Variants in CTDP1 observed in about 807,000 individuals in gnomAD.
CTDP1 encodes RNA polymerase II subunit A C-terminal domain phosphatase.
CTDP1 carries 47 observed loss-of-function variants against 91.8 expected under a neutral mutation model. That is an observed-to-expected ratio of 0.51 (90% CI 0.41 to 0.65). The LOEUF (loss-of-function observed/expected upper bound fraction) is 0.65. Ranked by LOEUF, CTDP1 falls within the 30% of genes least tolerant of loss-of-function variation. The pLI is 0.00. For synonymous variants in CTDP1, 656 were observed against 598.5 expected (o/e 1.10, Z -1.40); for missense variants, 1,272 against 1,373.7 (o/e 0.93, Z 1.17).
chr18:79,681,458 C>G, intron 1 of CTDP1: 1 of 985,342 alleles, frequency 1.0e-6, no homozygotes. Flanking sequence ...TGGAAGATCC[C>G]TACTGAGGTT....
At position 79,714,860 on chromosome 18, in the gene CTDP1, C is replaced by A. The variant is rs770886722; in HGVS notation, c.1400C>A (p.Thr467Lys). The A allele has an allele frequency of 1.8e-4, 289 of 1,587,068 alleles. No homozygotes were observed. Among genetic ancestry groups the A allele is most frequent in the Non-Finnish European group, 2.4e-4 (284 of 1,167,800 alleles). ...GAGAGCAGCAGTGAGTCCGAGGGCA[C>A]GAAGTCCTCCTCCTCCGCCTCTGAT... ...DSESSSESEGTKSSSSASDGE... is the reference protein window; with the variant it reads ...DSESSSESEGKKSSSSASDGE... Residue 467 changes from threonine (T) to lysine (K), a missense_variant, in exon 8 of 13, where the codon ACG becomes AAG. Physicochemically the swap from Thr to Lys is moderately conservative, Grantham distance 78. Coordinates refer to ENST00000613122, the MANE Select transcript of CTDP1 (RefSeq NM_004715.5).
chr18:79,685,336 G>A (rs1431330719), intron 1 of CTDP1: 1 of 152,018 alleles, frequency 6.6e-6, no homozygotes, highest in African/African-American at 2.4e-5. Context: ...TCTTTGCTTT[G>A]GCTTTTTCCC....
chr18:79,692,756 C>T (rs2085651425), intron 1 of CTDP1, among the ~76,000 whole-genome samples: 1 of 152,044 alleles, frequency 6.6e-6, no homozygotes, highest in Non-Finnish European at 1.5e-5. Context: ...AGCTGGTGTC[C>T]TGTGTGGGGC....
rs185448598 is a variant in CTDP1 at position 79,746,235 on chromosome 18, C to G, written c.2748-7417C>G. On this transcript the variant is annotated intron_variant, in intron 12 of 12. Coordinates refer to ENST00000613122, the MANE Select transcript of CTDP1 (RefSeq NM_004715.5). Reference sequence around the variant, plus strand: ...TCCCCGCGTCCCTCCCGTGCGCGTTCTGACCCCGCGTCCCTCCCGTGCGCG... The same window carrying G: ...TCCCCGCGTCCCTCCCGTGCGCGTTGTGACCCCGCGTCCCTCCCGTGCGCG... Among the ~76,000 whole-genome samples the G allele has an allele frequency of 7.7e-3, 281 of 36,568 alleles. 76 individuals carry two copies. Among genetic ancestry groups the G allele is most frequent in the Non-Finnish European group, 0.013 (221 of 16,682 alleles). The allele number at this position is 36,568 out of a possible 152,430, so 24.0% of individuals were successfully genotyped here.
chr18:79,729,120 G>T (rs189582645), intron 11 of CTDP1, 51 bp downstream of exon 11: 4 of 1,608,476 alleles, frequency 2.5e-6, no homozygotes, highest in South Asian at 2.2e-5. Context: ...TGCTGGGGCC[G>T]CAGAGCTCTG....
Position 79,713,363 on chromosome 18 carries a change from C to T in CTDP1, c.1030+225C>T, listed in dbSNP as rs754237005. ...AATGGCCCTCACTTAAGCGTTTTCC[C>T]AGTTGAATAAAAACTAGAGGATGCT... On this transcript the variant is annotated intron_variant, in intron 7 of 12. Coordinates refer to ENST00000613122, the MANE Select transcript of CTDP1 (RefSeq NM_004715.5). The surrounding 1 kb of genome is among the most constrained non-coding windows in gnomAD (Gnocchi z 4.7). Among the ~76,000 whole-genome samples, 1 of 152,144 alleles carries T rather than the reference C, an allele frequency of 6.6e-6. No homozygotes were observed. The highest frequency in any genetic ancestry group is 1.5e-5 in the Non-Finnish European group (1 of 68,030).
chr18:79,723,943 G>A (rs375146014), intron 10 of CTDP1, among the ~76,000 whole-genome samples: 8 of 152,342 alleles, frequency 5.3e-5, no homozygotes, highest in African/African-American at 1.4e-4. Context: ...CTTCTCTTGC[G>A]GAGCCGGGTC....
At chr18:79,695,706 G>A (rs1354750294) in intron 2 of CTDP1, among the ~76,000 whole-genome samples, 1 of 152,192 alleles carries the variant, frequency 6.6e-6, no homozygotes, top group Non-Finnish European at 1.5e-5. Flanking sequence ...CATGGTTGAG[G>A]GCCTGTTTCT....
At chr18:79,723,084 C>T (rs2086378442) in intron 10 of CTDP1, among the ~76,000 whole-genome samples, 1 of 152,254 alleles carries the variant, frequency 6.6e-6, no homozygotes, top group Non-Finnish European at 1.5e-5. Flanking sequence ...GACCACTCCA[C>T]CTGTATAAAC....
intron 12 of CTDP1, among the ~76,000 whole-genome samples, chr18:79,738,487 C>T (rs996511472): frequency 6.6e-6 from 1 of 152,230 alleles, no homozygotes; most frequent in African/African-American, 2.4e-5. Context: ...AGGAGCTGCT[C>T]CCAGCTTCAG....
Position 79,695,577 on chromosome 18 carries a change from C to T in CTDP1, c.398+269C>T, listed in dbSNP as rs898619. 0.15 allele frequency among the ~76,000 whole-genome samples: 22,847 copies of T among 152,184 alleles called. 1,862 individuals carry two copies. Among genetic ancestry groups the T allele is most frequent in the Non-Finnish European group, 0.19 (12,608 of 67,994 alleles). On this transcript the variant is annotated intron_variant, in intron 2 of 12. Coordinates refer to ENST00000613122, the MANE Select transcript of CTDP1 (RefSeq NM_004715.5). ...AGACCTGTTTTCTCCTGACTGAAGA[C>T]GCAGATCGCTGAGTGCCTGGAGCAG...
intron 10 of CTDP1, among the ~76,000 whole-genome samples, chr18:79,719,991 G>A (rs563067881): frequency 3.4e-5 from 5 of 145,344 alleles, no homozygotes; most frequent in South Asian, 2.4e-4. Context: ...TCCTGGTGAC[G>A]ATGTCATCTC....
intron 12 of CTDP1, among the ~76,000 whole-genome samples, chr18:79,744,705 G>A (rs557369677): frequency 7.9e-5 from 12 of 152,320 alleles, no homozygotes; most frequent in Admixed American, 3.3e-4. Context: ...CATGTGCACC[G>A]GAAGTGAGAA....
intron 12 of CTDP1, among the ~76,000 whole-genome samples, chr18:79,747,848 C>T (rs1006303987): frequency 1.3e-5 from 2 of 152,176 alleles, no homozygotes; most frequent in African/African-American, 4.8e-5. Context: ...TGTTCCATCC[C>T]CTTTGGATTA....
intron 1 of CTDP1, among the ~76,000 whole-genome samples, chr18:79,691,509 G>A (rs1201957181): frequency 1.6e-5 from 2 of 122,714 alleles, no homozygotes; most frequent in African/African-American, 6.0e-5. Context: ...TCGGGGTGGG[G>A]AGGAGTGGAC....
rs576717877 is a variant in CTDP1, at chr18:79,753,592, C to A, written c.2748-60C>A. 5.6e-6 allele frequency: 9 copies of A among 1,613,004 alleles called. No individual in the cohort carries two copies. In the East Asian group the frequency reaches 1.8e-4, roughly 32 times the overall value. On this transcript the variant is annotated intron_variant, in intron 12 of 12. Coordinates refer to ENST00000613122, the MANE Select transcript of CTDP1 (RefSeq NM_004715.5). ...AGCCACTTCCCAAATGCAGACCAGGCGGTGACCCGGCGTTGTGCGTTTGCC... is the reference window on the plus strand; with the variant it reads ...AGCCACTTCCCAAATGCAGACCAGGAGGTGACCCGGCGTTGTGCGTTTGCC...
At chr18:79,718,672 C>T (rs2086270922) in intron 10 of CTDP1, among the ~76,000 whole-genome samples, 2 of 152,158 alleles carry the variant, frequency 1.3e-5, no homozygotes, top group African/African-American at 2.4e-5. Flanking sequence ...CTGGAGACCC[C>T]ATGTAAATGG....
At chr18:79,696,968 T>G (rs114517810) in intron 3 of CTDP1, among the ~76,000 whole-genome samples, 2,876 of 152,352 alleles carry the variant, frequency 0.019, 98 homozygotes, top group African/African-American at 0.065. Context: ...AGTGTTACGA[T>G]TTTAGTAAAT....
chr18:79,707,097 C>G (rs766823282), intron 5 of CTDP1, among the ~76,000 whole-genome samples: 4 of 152,178 alleles, frequency 2.6e-5, no homozygotes, highest in Non-Finnish European at 5.9e-5. Flanking sequence ...AGCACACAAG[C>G]CCCAGTGAGG....
Sources: allele counts gnomAD v4.1 joint callset (sites outside exome capture counted in the v4.1 genomes callset), GRCh38; gene constraint gnomAD v4.1.1; non-coding constraint Gnocchi (gnomAD v3.1); transcripts MANE v1.5; gene names NCBI Gene and HGNC (gene_info 2026-07-23, HGNC 2026-07-21).